PRKCE: variants seen among roughly 807,000 people sequenced by gnomAD.
The protein encoded by PRKCE is protein kinase C epsilon type.
In PRKCE, 16 loss-of-function variants were observed where a neutral mutation model predicts 85.4. The observed-to-expected ratio is 0.19, with a 90% confidence interval of 0.13 to 0.28. The LOEUF (loss-of-function observed/expected upper bound fraction) is 0.28. Ranked by LOEUF, PRKCE falls within the 10% of genes least tolerant of loss-of-function variation. The pLI is 1.00. For missense variants in PRKCE, 573 were observed against 975.2 expected, an observed-to-expected ratio of 0.59 and a Z score of 5.49; for synonymous variants, 388 against 371.5, an observed-to-expected ratio of 1.04 and a Z score of -0.51.
intron 13 of PRKCE, among the ~76,000 whole-genome samples, chr2:46,156,375 C>A (rs1677205100): frequency 6.6e-6 from 1 of 151,128 alleles, no homozygotes; most frequent in Admixed American, 6.6e-5. Flanking sequence ...TCAGGGAGTT[C>A]ATCACAGTCT....
intron 10 of PRKCE, among the ~76,000 whole-genome samples, chr2:46,052,779 G>A (rs923641215): frequency 2.0e-5 from 3 of 152,234 alleles, no homozygotes; most frequent in African/African-American, 7.2e-5. Context: ...AATCACAGTA[G>A]TGTGGTACTG....
At chr2:45,917,972 G>A (rs764423457) in intron 2 of PRKCE, among the ~76,000 whole-genome samples, 1 of 152,130 alleles carries the variant, frequency 6.6e-6, no homozygotes, top group Admixed American at 6.5e-5. Flanking sequence ...CTCCGAGTGC[G>A]GGGCCCGCCA....
intron 11 of PRKCE, among the ~76,000 whole-genome samples, chr2:46,104,628 G>T (rs1028137726): frequency 1.3e-5 from 2 of 152,084 alleles, no homozygotes; most frequent in Non-Finnish European, 2.9e-5. Flanking sequence ...GTGTTTGGGG[G>T]CAAGTAGACC....
At chr2:45,718,583 C>T (rs143005680) in intron 1 of PRKCE, among the ~76,000 whole-genome samples, 51 of 152,182 alleles carry the variant, frequency 3.4e-4, no homozygotes, top group East Asian at 3.3e-3. Context: ...ACCTAGTGAT[C>T]GGCCCACCTC....
At chr2:45,709,197 G>A (rs1467295406) in intron 1 of PRKCE, among the ~76,000 whole-genome samples, 1 of 152,226 alleles carries the variant, frequency 6.6e-6, no homozygotes, top group African/African-American at 2.4e-5. Context: ...GCCTACCAGA[G>A]CTTGGTGGCA....
intron 2 of PRKCE, among the ~76,000 whole-genome samples, chr2:45,966,030 C>T (rs189038311): frequency 6.6e-5 from 10 of 152,214 alleles, no homozygotes; most frequent in Admixed American, 4.6e-4. Flanking sequence ...GAAACTTCTA[C>T]ACACACAGTT....
chr2:45,910,214 A>T (rs1418771014), intron 2 of PRKCE, among the ~76,000 whole-genome samples: 1 of 152,234 alleles, frequency 6.6e-6, no homozygotes, highest in Admixed American at 6.5e-5. Context: ...CATCCCATGT[A>T]ACTGGAGCCT....
chr2:45,901,310 G>C (rs148496885), intron 2 of PRKCE, among the ~76,000 whole-genome samples: 17 of 152,290 alleles, frequency 1.1e-4, no homozygotes, highest in Admixed American at 6.5e-4. Flanking sequence ...GTTTCAGAAT[G>C]TTAAAATGGT....
chr2:45,914,902 A>G (rs1697650530), intron 2 of PRKCE, among the ~76,000 whole-genome samples: 1 of 152,204 alleles, frequency 6.6e-6, no homozygotes, highest in Non-Finnish European at 1.5e-5. Flanking sequence ...TCAACTGCTG[A>G]AAAAAAGTAT....
chr2:46,137,284 A>G (rs1343998983), intron 11 of PRKCE, among the ~76,000 whole-genome samples: 1 of 152,242 alleles, frequency 6.6e-6, no homozygotes, highest in Non-Finnish European at 1.5e-5. Context: ...TCGGGAAGAG[A>G]AAATATGGGG....
intron 1 of PRKCE, among the ~76,000 whole-genome samples, chr2:45,807,558 A>T (rs1053512012): frequency 1.3e-5 from 2 of 152,220 alleles, no homozygotes; most frequent in Non-Finnish European, 2.9e-5. Context: ...GCAGAGTGCA[A>T]ATCATTCCTC....
At chr2:45,972,979 C>T (rs1035973479) in intron 2 of PRKCE, among the ~76,000 whole-genome samples, 1 of 152,172 alleles carries the variant, frequency 6.6e-6, no homozygotes, top group Non-Finnish European at 1.5e-5. Flanking sequence ...AAGATGGAAG[C>T]ATCACATTTC....
At chr2:46,103,012 G>A (rs1671381465) in intron 11 of PRKCE, among the ~76,000 whole-genome samples, 1 of 152,178 alleles carries the variant, frequency 6.6e-6, no homozygotes, top group Admixed American at 6.5e-5. Context: ...TTTCACCTCT[G>A]TGAGGGCAGA....
In PRKCE at chr2:46,007,453, T is replaced by G; in HGVS notation, c.1064-9T>G. ...CACTAATGCAATTTCTTGTTCCCCTTGGCCCTAGAAATAAAAGAACTTGAG... is the reference window on the plus strand; with the variant it reads ...CACTAATGCAATTTCTTGTTCCCCTGGGCCCTAGAAATAAAAGAACTTGAG... On this transcript the variant is annotated splice_polypyrimidine_tract_variant and intron_variant, in intron 8 of 14. Transcript: ENST00000306156. 2 of 1,599,680 alleles carry G rather than the reference T, an allele frequency of 1.3e-6. No individual in the cohort carries two copies. The highest frequency in any genetic ancestry group is 4.5e-5 in the East Asian group (2 of 44,886).
intron 14 of PRKCE, among the ~76,000 whole-genome samples, chr2:46,166,169 C>T (rs1678319567): frequency 6.6e-6 from 1 of 152,236 alleles, no homozygotes; most frequent in African/African-American, 2.4e-5. Context: ...GGCTCGAGAC[C>T]CGCACACTTC....
chr2:45,868,202 G>A (rs1409288773), intron 2 of PRKCE, among the ~76,000 whole-genome samples: 1 of 147,814 alleles, frequency 6.8e-6, no homozygotes, highest in African/African-American at 2.5e-5. Context: ...CTGGTTGGGG[G>A]GTGTAACGGA....
intron 1 of PRKCE, among the ~76,000 whole-genome samples, chr2:45,801,484 A>T (rs73928803): frequency 0.051 from 7,507 of 146,624 alleles, 629 homozygotes; most frequent in African/African-American, 0.18. Context: ...ATCCCACAGG[A>T]CTCAGTCATC....
chr2:45,968,475 AAGG>A (rs1316577998), intron 2 of PRKCE, among the ~76,000 whole-genome samples: 4 of 152,196 alleles, frequency 2.6e-5, no homozygotes, highest in Admixed American at 2.0e-4. Flanking sequence ...GGAGACTCAG[AAGG>A]AGAAGGATGG....
At chr2:46,093,021 C>A (rs551069054) in intron 11 of PRKCE, among the ~76,000 whole-genome samples, 1 of 152,316 alleles carries the variant, frequency 6.6e-6, no homozygotes, top group African/African-American at 2.4e-5. Flanking sequence ...TTTGAGTCTT[C>A]TAGGACCTGA....
Sources: gnomAD v4.1 joint callset for allele counts (sites outside exome capture counted in the v4.1 genomes callset) on GRCh38, gnomAD v4.1.1 for gene constraint, MANE v1.5 for transcripts, NCBI Gene and HGNC (gene_info 2026-07-23, HGNC 2026-07-21) for gene names.